Variants in SOX6 observed in about 807,000 individuals in gnomAD.
SOX6 encodes SRY-box transcription factor 6.
SOX6 carries 11 observed loss-of-function variants against 97.8 expected under a neutral mutation model. The observed-to-expected ratio is 0.11, with a 90% confidence interval of 0.07 to 0.19. The LOEUF (loss-of-function observed/expected upper bound fraction) is 0.19. Among genes scored for constraint, SOX6 ranks in the 10% least tolerant of loss-of-function variants. The pLI, the probability that SOX6 is intolerant of heterozygous loss-of-function variation, is 1.00. For missense variants in SOX6, 810 were observed against 1,039.5 expected (o/e 0.78, Z 3.04); for synonymous variants, 360 against 371.4 (o/e 0.97, Z 0.35).
At chr11:16,000,616 C>G (rs549348544) in intron 13 of SOX6, among the ~76,000 whole-genome samples, 9 of 152,238 alleles carry the variant, frequency 5.9e-5, no homozygotes, top group Non-Finnish European at 8.8e-5. Flanking sequence ...TCTTAAGGTT[C>G]CTTAGCCCTA....
chr11:16,084,643 C>T (rs1336347019), intron 9 of SOX6, among the ~76,000 whole-genome samples: 5 of 152,116 alleles, frequency 3.3e-5, no homozygotes, highest in Non-Finnish European at 7.3e-5. Flanking sequence ...TCTTATGGAA[C>T]CAAGAAGCAC....
chr11:16,352,874 T>C (rs1856985408), intron 1 of SOX6, among the ~76,000 whole-genome samples: 1 of 152,046 alleles, frequency 6.6e-6, no homozygotes, highest in African/African-American at 2.4e-5. Context: ...ACCAATCCTT[T>C]TAACTGTCAT....
chr11:16,513,361 A>T (rs558505359), intron 4 of SOX6, among the ~76,000 whole-genome samples: 2 of 152,234 alleles, frequency 1.3e-5, no homozygotes, highest in Admixed American at 6.5e-5. Context: ...GGCCGGGCAC[A>T]GTGGCTCAGG....
chr11:16,563,407 T>G (rs535636080), intron 4 of SOX6, among the ~76,000 whole-genome samples: 110 of 152,262 alleles, frequency 7.2e-4, no homozygotes, highest in African/African-American at 2.6e-3. Context: ...ATCATACCAC[T>G]GCACTCCAGC....
At chr11:16,383,945 A>C (rs1032141762) in intron 1 of SOX6, among the ~76,000 whole-genome samples, 1 of 151,898 alleles carries the variant, frequency 6.6e-6, no homozygotes, top group African/African-American at 2.4e-5. Context: ...ACTCAAAAAA[A>C]CCCCAGCAAT....
chr11:16,133,143 A>T (rs769727641), intron 6 of SOX6, among the ~76,000 whole-genome samples: 3 of 152,216 alleles, frequency 2.0e-5, no homozygotes, highest in African/African-American at 7.2e-5. Context: ...AGTGGACATT[A>T]TCCAGTGAAT....
intron 15 of SOX6, among the ~76,000 whole-genome samples, chr11:15,983,103 CTGTAGT>C (rs1365381241): frequency 6.6e-6 from 1 of 151,948 alleles, no homozygotes; most frequent in Non-Finnish European, 1.5e-5. Flanking sequence ...TCAGAGAATT[CTGTAGT>C]TGGAGAAGCC....
intron 6 of SOX6, among the ~76,000 whole-genome samples, chr11:16,147,567 A>T (rs951347504): frequency 6.6e-6 from 1 of 152,070 alleles, no homozygotes; most frequent in African/African-American, 2.4e-5. Context: ...AGGGAAAAGG[A>T]TGGTGGAGTT....
chr11:16,512,008 A>T (rs1860886501), intron 4 of SOX6, among the ~76,000 whole-genome samples: 2 of 152,290 alleles, frequency 1.3e-5, no homozygotes, highest in South Asian at 4.1e-4. Flanking sequence ...TACACTTTAA[A>T]ATGTCTTATT....
intron 9 of SOX6, among the ~76,000 whole-genome samples, chr11:16,089,014 T>A (rs76154081): frequency 0.012 from 1,830 of 152,264 alleles, 36 homozygotes; most frequent in African/African-American, 0.042. Context: ...ATATAGACAT[T>A]GTAACATCAA....
chr11:16,649,095 C>A (rs1041525938), intron 3 of SOX6, among the ~76,000 whole-genome samples: 2 of 151,962 alleles, frequency 1.3e-5, no homozygotes, highest in African/African-American at 4.8e-5. Context: ...AAAAAAAGAA[C>A]AAAGCCTCCA....
At chr11:16,608,086 A>G (rs1173778759) in intron 4 of SOX6, among the ~76,000 whole-genome samples, 1 of 151,896 alleles carries the variant, frequency 6.6e-6, no homozygotes, top group African/African-American at 2.4e-5. Context: ...GAATGGGGAC[A>G]AGTACTAGGT....
chr11:16,117,186 C>G (rs1204823028), intron 6 of SOX6, among the ~76,000 whole-genome samples: 2 of 151,938 alleles, frequency 1.3e-5, no homozygotes, highest in Non-Finnish European at 2.9e-5. Flanking sequence ...CTGTCTGTCT[C>G]TACTAGAAGT....
intron 6 of SOX6, among the ~76,000 whole-genome samples, chr11:16,113,320 T>C (rs1849272897): frequency 6.6e-6 from 1 of 152,248 alleles, no homozygotes; most frequent in South Asian, 2.1e-4. Context: ...AAAAAGGTCT[T>C]TGTGCAATTA....
At chr11:16,361,041 T>C (rs1857200637), upstream of SOX6, among the ~76,000 whole-genome samples, 1 of 151,814 alleles carries the variant, frequency 6.6e-6, no homozygotes, top group South Asian at 2.1e-4. Flanking sequence ...TTTTCAAAAA[T>C]AATATTAGCA....
chr11:16,737,490 G>C (rs1848401015), intron 1 of SOX6, among the ~76,000 whole-genome samples: 1 of 151,312 alleles, frequency 6.6e-6, no homozygotes, highest in African/African-American at 2.4e-5. Context: ...ACAGGCCTGA[G>C]CCATGGCGCC....
chr11:16,484,112 C>A, intron 4 of SOX6: 1 of 770,362 alleles, frequency 1.3e-6, no homozygotes, highest in Non-Finnish European at 2.4e-6. Flanking sequence ...GTACAGGTGA[C>A]ACTCAATCTG....
At chr11:16,265,003 G>T (rs2134219864) in intron 3 of SOX6, among the ~76,000 whole-genome samples, 1 of 151,956 alleles carries the variant, frequency 6.6e-6, no homozygotes, top group East Asian at 1.9e-4. Flanking sequence ...GAGTTTCCAG[G>T]CTACAGTACA....
chr11:16,611,095 C>T (rs1037476140), intron 4 of SOX6, among the ~76,000 whole-genome samples: 5 of 152,250 alleles, frequency 3.3e-5, no homozygotes, highest in Non-Finnish European at 7.3e-5. Context: ...GCACCGCAAC[C>T]AGCAAAGGCA....
Sources: gnomAD v4.1 joint callset for allele counts (sites outside exome capture counted in the v4.1 genomes callset) on GRCh38, gnomAD v4.1.1 for gene constraint, MANE v1.5 for transcripts, NCBI Gene and HGNC (gene_info 2026-07-23, HGNC 2026-07-21) for gene names.